The following KCTD8 variants were observed in gnomAD, a reference collection of about 807,000 sequenced individuals.
The protein encoded by KCTD8 is potassium channel tetramerization domain containing 8.
A neutral mutation model predicts 31.5 loss-of-function variants in KCTD8; 27 were observed. The observed-to-expected ratio is 0.86, with a 90% CI of 0.63 to 1.18. The LOEUF (loss-of-function observed/expected upper bound fraction) is 1.18. KCTD8 is among the 50% of genes most tolerant of loss of function. The probability of loss-of-function intolerance (pLI) is 0.00; values close to 1 mark genes in which losing one functional copy is unlikely to be tolerated. For missense variants in KCTD8, 658 were observed against 647.7 expected (o/e 1.02, Z -0.17); for synonymous variants, 290 against 280.0 (o/e 1.04, Z -0.36).
chr4:44,312,710 C>T (rs1019791671), intron 1 of KCTD8, among the ~76,000 whole-genome samples: 7 of 152,104 alleles, frequency 4.6e-5, no homozygotes, highest in African/African-American at 1.7e-4. Flanking sequence ...TGTTTTTATA[C>T]ACACATATCC....
chr4:44,295,538 C>T (rs199922525), intron 1 of KCTD8, among the ~76,000 whole-genome samples: 2 of 152,082 alleles, frequency 1.3e-5, no homozygotes, highest in East Asian at 3.9e-4. Context: ...TTAAGATAAA[C>T]ATTTTATTTG....
At position 44,203,489 on chromosome 4, in the gene KCTD8, C is replaced by T. The variant is rs576276862; in HGVS notation, c.962-28239G>A. 9.3e-5 allele frequency among the ~76,000 whole-genome samples: 13 copies of T among 140,400 alleles called. No homozygotes were observed. The East Asian group carries it at 2.6e-3, about 28-fold the overall frequency. The allele number at this position is 140,400 out of a possible 152,430, so 92.1% of individuals were successfully genotyped here. On this transcript the variant is annotated intron_variant, in intron 1 of 1. Coordinates refer to ENST00000360029, the MANE Select transcript of KCTD8 (RefSeq NM_198353.3). ...TGGGCTGGGCAACAAGAGCGAGACT[C>T]CATCTCAAAAAAAAAAAAAAAAAAA...
At position 44,250,597 on chromosome 4, in the gene KCTD8, G is replaced by T. The variant is rs1048778218; in HGVS notation, c.962-75347C>A. ...TGATTCTGAAGTCCATGTTGTTTAC[G>T]CATGAAACTTACAATTCTCTCTCTA... On this transcript the variant is annotated intron_variant, in intron 1 of 1. Coordinates refer to ENST00000360029, the MANE Select transcript of KCTD8 (RefSeq NM_198353.3). Among the ~76,000 whole-genome samples the T allele has an allele frequency of 5.3e-5, 8 of 151,804 alleles. No homozygotes were observed. In the East Asian group the frequency reaches 1.6e-3, roughly 30 times the overall value.
intron 1 of KCTD8, among the ~76,000 whole-genome samples, chr4:44,250,931 C>T (rs1363589806): frequency 1.3e-5 from 2 of 151,788 alleles, no homozygotes; most frequent in Non-Finnish European, 1.5e-5. Flanking sequence ...GCAAATGTAA[C>T]ATTCTTCATT....
intron 1 of KCTD8, among the ~76,000 whole-genome samples, chr4:44,310,874 T>C (rs1485374635): frequency 6.6e-6 from 1 of 152,116 alleles, no homozygotes; most frequent in East Asian, 1.9e-4. Context: ...ATTTTCTGGA[T>C]TCAGTAAAAT....
chr4:44,376,586 C>T (rs1191764742), intron 1 of KCTD8, among the ~76,000 whole-genome samples: 2 of 152,144 alleles, frequency 1.3e-5, no homozygotes, highest in Non-Finnish European at 2.9e-5. Flanking sequence ...CATCTCACTC[C>T]ATTAGTACAT....
intron 1 of KCTD8, among the ~76,000 whole-genome samples, chr4:44,357,789 A>T (rs1719382705): frequency 6.6e-6 from 1 of 152,002 alleles, no homozygotes; most frequent in South Asian, 2.1e-4. Context: ...CTTTTTGAAT[A>T]AATGCTCTCC....
At position 44,313,588 on chromosome 4, in the gene KCTD8, C is replaced by T. The variant is rs556441708; in HGVS notation, c.961+133975G>A. On this transcript the variant is annotated intron_variant, in intron 1 of 1. Coordinates refer to ENST00000360029, the MANE Select transcript of KCTD8 (RefSeq NM_198353.3). ...TAAGTGCTTCAAAAATTAGTAATTG[C>T]CGTTCATTTAACCCATCTAATAAGC... Among the ~76,000 whole-genome samples, 7 of 152,204 alleles carry T rather than the reference C, an allele frequency of 4.6e-5. No individual in the cohort carries two copies. In the East Asian group the frequency reaches 1.4e-3, roughly 29 times the overall value.
At chr4:44,178,997 G>A (rs1470443346) in intron 1 of KCTD8, among the ~76,000 whole-genome samples, 1 of 152,178 alleles carries the variant, frequency 6.6e-6, no homozygotes, top group Non-Finnish European at 1.5e-5. Context: ...GCCTGATGAA[G>A]TTCATAGGCT....
chr4:44,334,188 C>CAAT (rs1718659124), intron 1 of KCTD8, among the ~76,000 whole-genome samples: 2 of 152,130 alleles, frequency 1.3e-5, no homozygotes, highest in Middle Eastern at 3.4e-3. Flanking sequence ...AAAAGTCACT[C>CAAT]AATACATTGG....
At chr4:44,410,105 C>G (rs565692459) in intron 1 of KCTD8, among the ~76,000 whole-genome samples, 224 of 152,248 alleles carry the variant, frequency 1.5e-3, no homozygotes, top group African/African-American at 5.3e-3. Flanking sequence ...CCTTGTTATA[C>G]CTATTACAAT....
chr4:44,374,775 T>G (rs1310321994), intron 1 of KCTD8, among the ~76,000 whole-genome samples: 5 of 152,174 alleles, frequency 3.3e-5, no homozygotes, highest in Admixed American at 6.5e-5. Context: ...CCATCTTCTA[T>G]GCGTGTGGTT....
intron 1 of KCTD8, among the ~76,000 whole-genome samples, chr4:44,219,844 T>C (rs1714757700): frequency 6.6e-6 from 1 of 152,228 alleles, no homozygotes; most frequent in South Asian, 2.1e-4. Context: ...ACTGTTCCAA[T>C]GACTGACCTG....
chr4:44,251,889 G>T (rs1398687401), intron 1 of KCTD8, among the ~76,000 whole-genome samples: 3 of 151,180 alleles, frequency 2.0e-5, no homozygotes, highest in Admixed American at 2.0e-4. Context: ...AATAGGTTTT[G>T]GGGGAAAAGG....
At chr4:44,203,519 TA>T (rs1424693964) in intron 1 of KCTD8, among the ~76,000 whole-genome samples, 3 of 127,112 alleles carry the variant, frequency 2.4e-5, no homozygotes, top group Non-Finnish European at 3.4e-5. Context: ...AAAAAAGGAA[TA>T]AAAAAATAAA....
chr4:44,191,345 T>C (rs1713758697), intron 1 of KCTD8, among the ~76,000 whole-genome samples: 1 of 152,162 alleles, frequency 6.6e-6, no homozygotes, highest in African/African-American at 2.4e-5. Context: ...GTTTGAACAA[T>C]ATGAAATCAG....
At chr4:44,211,305 G>T (rs1316711596) in intron 1 of KCTD8, among the ~76,000 whole-genome samples, 1 of 152,060 alleles carries the variant, frequency 6.6e-6, no homozygotes, top group African/African-American at 2.4e-5. Context: ...ATTTCATAAA[G>T]ACAGCTGTTA....
chr4:44,191,043 C>T (rs1445141967), intron 1 of KCTD8, among the ~76,000 whole-genome samples: 4 of 152,058 alleles, frequency 2.6e-5, no homozygotes, highest in Admixed American at 6.5e-5. Context: ...ATGGAGGGAC[C>T]GGCTGGAGCC....
chr4:44,352,380 A>G (rs897766609), intron 1 of KCTD8, among the ~76,000 whole-genome samples: 7 of 150,288 alleles, frequency 4.7e-5, no homozygotes, highest in Non-Finnish European at 8.8e-5. Context: ...TAGTAAAAGG[A>G]AAGACACATT....
Sources: allele counts gnomAD v4.1 joint callset (sites outside exome capture counted in the v4.1 genomes callset), GRCh38; gene constraint gnomAD v4.1.1; transcripts MANE v1.5; gene names NCBI Gene and HGNC (gene_info 2026-07-23, HGNC 2026-07-21).